MTPN: variants seen among roughly 807,000 people sequenced by gnomAD.
MTPN encodes the protein granule cell differentiation protein.
In MTPN, 2 loss-of-function variants were observed where a neutral mutation model predicts 13.5. The ratio of observed to expected loss-of-function variants is 0.15; its 90% CI spans 0.06 to 0.47. The LOEUF is 0.47. Ranked by LOEUF, MTPN falls within the 20% of genes least tolerant of loss-of-function variation. The pLI, the probability that MTPN is intolerant of heterozygous loss-of-function variation, is 0.97. For synonymous variants in MTPN, 46 were observed against 51.7 expected (o/e 0.89, Z 0.48); for missense variants, 79 against 137.9 (o/e 0.57, Z 2.14).
chr7:135,974,469 A>G (rs1286435091), intron 1 of MTPN, among the ~76,000 whole-genome samples: 2 of 152,162 alleles, frequency 1.3e-5, no homozygotes, highest in Non-Finnish European at 2.9e-5. Context: ...TGATCACGAC[A>G]CTGCACTCTA....
rs566744605 is a variant in MTPN, at chr7:135,975,048, C to T, written c.72+1981G>A. Among the ~76,000 whole-genome samples, 4 of 152,242 alleles carry T rather than the reference C, an allele frequency of 2.6e-5. No homozygotes were observed. The South Asian group carries it at 8.3e-4, about 32-fold the overall frequency. On this transcript the variant is annotated intron_variant, in intron 1 of 3. Transcript: ENST00000393085. The stretch of plus-strand genomic sequence containing the variant: ...TTGGATAGTCCAACTTTCAATACTC[C>T]CTTTTGCTTTTTCTGAATGTCTACC...
At chr7:135,944,260 T>C (rs1306323043) in intron 3 of MTPN, among the ~76,000 whole-genome samples, 1 of 152,176 alleles carries the variant, frequency 6.6e-6, no homozygotes, top group Non-Finnish European at 1.5e-5. Flanking sequence ...GGATTAGGAA[T>C]ACTGAACTTC....
intron 1 of MTPN, 98 bp downstream of exon 1, chr7:135,976,931 G>GCCCCCC: frequency 4.0e-6 from 1 of 247,794 alleles, no homozygotes. Context: ...CTCTCCTCCC[G>GCCCCCC]CCCACCCCCA....
At chr7:135,976,534 C>G (rs1417683963) in intron 1 of MTPN, among the ~76,000 whole-genome samples, 1 of 146,526 alleles carries the variant, frequency 6.8e-6, no homozygotes, top group African/African-American at 2.4e-5. Flanking sequence ...TTTCTATTTT[C>G]GGTACTCTTT....
chr7:135,957,680 C>T (rs1292396517), intron 1 of MTPN, among the ~76,000 whole-genome samples: 3 of 152,062 alleles, frequency 2.0e-5, no homozygotes, highest in African/African-American at 7.2e-5. Context: ...ATTAGAGGTG[C>T]GGGCCTAAAG....
chr7:135,927,734 AT>A lies in MTPN; in HGVS notation c.*2191del. The A allele has an allele frequency of 2.0e-6, 1 of 490,046 alleles. No individual in the cohort carries two copies. The allele number at this position is 490,046 out of a possible 1,614,324, so 30.4% of individuals were successfully genotyped here. On this transcript the variant is annotated 3_prime_UTR_variant, in exon 4 of 4. Coordinates refer to ENST00000393085, the MANE Select transcript of MTPN (RefSeq NM_145808.4). Reference sequence around the variant, plus strand: ...TATTTTCTCAAGCAATCGCTTCATAATTATAGGGTTTACAAAAAGGTCGAGA... The same window carrying A: ...TATTTTCTCAAGCAATCGCTTCATAATATAGGGTTTACAAAAAGGTCGAGA...
intron 3 of MTPN, among the ~76,000 whole-genome samples, chr7:135,933,878 C>T (rs935903813): frequency 1.3e-5 from 2 of 152,074 alleles, no homozygotes; most frequent in South Asian, 2.1e-4. Flanking sequence ...CACCCCTCAC[C>T]CCCTTGTGCT....
chr7:135,932,524 C>T (rs1050016420), intron 3 of MTPN: 7 of 151,942 alleles, frequency 4.6e-5, no homozygotes, highest in African/African-American at 1.4e-4. Flanking sequence ...GCAGAAAACT[C>T]GTAATTCTAT....
intron 1 of MTPN, among the ~76,000 whole-genome samples, chr7:135,963,286 T>C (rs1799552265): frequency 1.3e-5 from 2 of 152,092 alleles, no homozygotes; most frequent in South Asian, 4.1e-4. Flanking sequence ...CCTTTCCTAA[T>C]ACTCTCTCTC....
At chr7:135,954,061 T>C (rs938118527) in intron 1 of MTPN, among the ~76,000 whole-genome samples, 2 of 152,160 alleles carry the variant, frequency 1.3e-5, no homozygotes, top group African/African-American at 2.4e-5. Context: ...TACCACTTAG[T>C]TGTGGGACCA....
intron 1 of MTPN, among the ~76,000 whole-genome samples, chr7:135,966,819 G>A (rs536644877): frequency 5.3e-5 from 8 of 152,286 alleles, no homozygotes; most frequent in South Asian, 4.1e-4. Flanking sequence ...TTGTTGCGGT[G>A]AGCACCAGAC....
chr7:135,970,021 C>T (rs774313481), intron 1 of MTPN, among the ~76,000 whole-genome samples: 2 of 152,136 alleles, frequency 1.3e-5, no homozygotes, highest in Non-Finnish European at 2.9e-5. Flanking sequence ...GAGAGTAATG[C>T]AGATATAGTC....
chr7:135,938,210 T>C (rs1799146932), intron 3 of MTPN, among the ~76,000 whole-genome samples: 1 of 152,242 alleles, frequency 6.6e-6, no homozygotes, highest in East Asian at 1.9e-4. Flanking sequence ...CCTATGGCTA[T>C]GGAGGGCAAA....
In MTPN at chr7:135,948,747, G is replaced by A. The variant is rs1799320075; in HGVS notation, c.270+1852C>T. On this transcript the variant is annotated intron_variant, in intron 3 of 3. Transcript: ENST00000393085. ...ATATCCTGTTTTGTTTTTCCTAGGA[G>A]GACAGAGAGGTCTAACACAAAGAAA... Among the ~76,000 whole-genome samples, 4 of 152,130 alleles carry A rather than the reference G, an allele frequency of 2.6e-5. No individual in the cohort carries two copies. In the South Asian group the frequency reaches 8.3e-4, roughly 31 times the overall value.
In MTPN at chr7:135,927,588, T is replaced by C. The variant is rs778059229; in HGVS notation, c.*2338A>G. ...GTTTTAGCTTCCTTTACTCAAAATA[T>C]GAACATTAAGTGTTGTGAATTTGTC... On this transcript the variant is annotated 3_prime_UTR_variant, in exon 4 of 4. Transcript: ENST00000393085. 4 of 682,424 alleles carry C rather than the reference T, an allele frequency of 5.9e-6. No homozygotes were observed. In the South Asian group the frequency reaches 6.5e-5, roughly 11 times the overall value. 42.3% of individuals were successfully genotyped at this position (682,424 alleles called of 1,614,324 possible).
intron 1 of MTPN, among the ~76,000 whole-genome samples, chr7:135,962,450 A>G (rs576365315): frequency 6.6e-5 from 10 of 152,172 alleles, no homozygotes; most frequent in African/African-American, 1.7e-4. Context: ...TTAAAATATT[A>G]AAGTATTCTA....
chr7:135,935,742 C>T (rs1039219044), intron 3 of MTPN, among the ~76,000 whole-genome samples: 3 of 152,176 alleles, frequency 2.0e-5, no homozygotes, highest in Middle Eastern at 3.2e-3. Context: ...ATCCTTTCTA[C>T]CTGACTGTGT....
Position 135,951,507 on chromosome 7 carries a change from C to A in MTPN, c.186+10G>T. Reference sequence around the variant, plus strand: ...AAATTTTTTCAAGAATGATCACGTCCTCTACGTACATTAATATCTGCTCCT... The same window carrying A: ...AAATTTTTTCAAGAATGATCACGTCATCTACGTACATTAATATCTGCTCCT... On this transcript the variant is annotated intron_variant, in intron 2 of 3. Coordinates refer to ENST00000393085, the MANE Select transcript of MTPN (RefSeq NM_145808.4). The A allele has an allele frequency of 6.3e-7, 1 of 1,592,602 alleles. No individual in the cohort carries two copies. The highest frequency in any genetic ancestry group is 8.6e-7 in the Non-Finnish European group (1 of 1,164,398).
chr7:135,977,106 C>T lies in MTPN; in HGVS notation c.-6G>A. 1.2e-6 allele frequency: 2 copies of T among 1,614,144 alleles called. No individual in the cohort carries two copies. The highest frequency in any genetic ancestry group is 1.7e-6 in the Non-Finnish European group (2 of 1,180,016). On this transcript the variant is annotated 5_prime_UTR_variant, in exon 1 of 4. Coordinates refer to ENST00000393085, the MANE Select transcript of MTPN (RefSeq NM_145808.4). ...ATGAACTCCTTGTCGCACATCACTGCAGCGGGGCAGGCCGGTTGGCCGGGC... is the reference window on the plus strand; with the variant it reads ...ATGAACTCCTTGTCGCACATCACTGTAGCGGGGCAGGCCGGTTGGCCGGGC...
Sources: gnomAD v4.1 joint callset for allele counts (sites outside exome capture counted in the v4.1 genomes callset) on GRCh38, gnomAD v4.1.1 for gene constraint, MANE v1.5 for transcripts, NCBI Gene and HGNC (gene_info 2026-07-23, HGNC 2026-07-21) for gene names.